Variants in LRIT3 observed in about 807,000 individuals in gnomAD.
LRIT3 encodes the protein leucine rich repeat, Ig-like and transmembrane domains 3.
In LRIT3, 14 loss-of-function variants were observed where a neutral mutation model predicts 22.6. That is an observed-to-expected ratio of 0.62 (90% confidence interval 0.41 to 0.97). The LOEUF (loss-of-function observed/expected upper bound fraction) is 0.97. LRIT3 is among the 50% of genes least tolerant of loss of function. LRIT3 has a pLI of 0.00. For missense variants in LRIT3, 783 were observed against 803.0 expected (o/e 0.98, Z 0.30); for synonymous variants, 306 against 304.5 (o/e 1.01, Z -0.05).
chr4:109,868,055 A>C, intron 3 of LRIT3, 109 bp downstream of exon 3: 5 of 1,162,190 alleles, frequency 4.3e-6, no homozygotes, highest in Non-Finnish European at 6.0e-6. Context: ...AAAATATTTC[A>C]AGATTATTGG....
chr4:109,848,323 C>T lies in LRIT3; in HGVS notation c.116+6C>T. 2.0e-5 allele frequency: 24 copies of T among 1,213,336 alleles called. No homozygotes were observed. The highest frequency in any genetic ancestry group is 2.5e-5 in the Non-Finnish European group (24 of 970,888). 75.2% of individuals were successfully genotyped at this position (1,213,336 alleles called of 1,614,324 possible). A position where few individuals can be genotyped will look rare whatever the true frequency, so the allele number is the denominator to read the frequency against. On this transcript the variant is annotated splice_donor_region_variant and intron_variant, in intron 1 of 3. Transcript: ENST00000594814. The stretch of plus-strand genomic sequence containing the variant: ...AATGACGGCTCAGGATCAAGGTATG[C>T]TCCTCTGCTTGTTACTAAGTGTTCT...
chr4:109,862,814 C>G (rs902174909), intron 2 of LRIT3, among the ~76,000 whole-genome samples: 14 of 152,132 alleles, frequency 9.2e-5, no homozygotes, highest in African/African-American at 2.7e-4. Flanking sequence ...CTCCTGGTAG[C>G]TGGGACAACA....
At chr4:109,867,266 A>T (rs1734704328) in intron 2 of LRIT3, among the ~76,000 whole-genome samples, 1 of 152,118 alleles carries the variant, frequency 6.6e-6, no homozygotes, top group Non-Finnish European at 1.5e-5. Flanking sequence ...GGTCCCTCTG[A>T]GGCCTCATCT....
chr4:109,856,724 C>T (rs970976346), intron 2 of LRIT3, among the ~76,000 whole-genome samples: 3 of 152,172 alleles, frequency 2.0e-5, no homozygotes, highest in Non-Finnish European at 4.4e-5. Context: ...TTAATTCTAT[C>T]TCCCATCCAT....
chr4:109,865,976 T>TA (rs1734668895), intron 2 of LRIT3, among the ~76,000 whole-genome samples: 1 of 152,160 alleles, frequency 6.6e-6, no homozygotes, highest in South Asian at 2.1e-4. Context: ...ATTGATTCAA[T>TA]AACTAGGTAT....
intron 2 of LRIT3, among the ~76,000 whole-genome samples, chr4:109,857,731 C>A (rs560825333): frequency 1.2e-3 from 180 of 152,096 alleles, no homozygotes; most frequent in African/African-American, 4.1e-3. Flanking sequence ...AGTAATATGA[C>A]CTTTAGGAGC....
chr4:109,869,987 C>T lies in LRIT3; in HGVS notation c.1238C>T (p.Ser413Phe), dbSNP rs770968977. ...SPPSTASFSLSPFSSSTVSST... is the reference protein window; with the variant it reads ...SPPSTASFSLFPFSSSTVSST... ...CCCTCTACTGCTTCCTTCTCTTTAT[C>T]TCCTTTCTCCTCCTCCACTGTTTCT... The change falls in exon 4 of 4, where the codon TCT becomes TTT. Residue 413 changes from serine (S) to phenylalanine (F), a missense_variant. Around this residue, in one of 2 missense-constraint regions of LRIT3, gnomAD observed 756 missense variants for 753.8 expected, o/e 1.00. Coordinates refer to ENST00000594814, the MANE Select transcript of LRIT3 (RefSeq NM_198506.5). The T allele has an allele frequency of 3.2e-5, 51 of 1,613,972 alleles. No individual in the cohort carries two copies. Among genetic ancestry groups the T allele is most frequent in the Non-Finnish European group, 2.3e-5 (27 of 1,180,002 alleles).
intron 2 of LRIT3, among the ~76,000 whole-genome samples, chr4:109,861,518 G>T (rs1734546084): frequency 6.6e-6 from 1 of 151,336 alleles, no homozygotes; most frequent in Admixed American, 6.6e-5. Context: ...ATTCTGGGGG[G>T]TGGGTGGGTC....
intron 2 of LRIT3, among the ~76,000 whole-genome samples, chr4:109,864,584 A>C (rs936593465): frequency 5.9e-5 from 9 of 152,248 alleles, no homozygotes; most frequent in Non-Finnish European, 8.8e-5. Flanking sequence ...GACCTGATTA[A>C]TTTGTTAAAC....
At chr4:109,850,921 G>A (rs1275749355) in intron 1 of LRIT3, among the ~76,000 whole-genome samples, 1 of 151,958 alleles carries the variant, frequency 6.6e-6, no homozygotes, top group Non-Finnish European at 1.5e-5. Flanking sequence ...TATTAAAACA[G>A]AGTTCAACTT....
At chr4:109,852,106 C>T (rs1734288769) in intron 2 of LRIT3, 130 bp downstream of exon 2, 1 of 814,612 alleles carries the variant, frequency 1.2e-6, no homozygotes, top group Non-Finnish European at 1.9e-6. Context: ...GGAATAGTAC[C>T]TTATTAGTTA....
At chr4:109,862,132 C>T (rs1043963308) in intron 2 of LRIT3, among the ~76,000 whole-genome samples, 1 of 152,174 alleles carries the variant, frequency 6.6e-6, no homozygotes, top group Non-Finnish European at 1.5e-5. Context: ...CCTTCAAGGG[C>T]TTATAGTCCT....
At chr4:109,853,900 G>C (rs1460076032) in intron 2 of LRIT3, among the ~76,000 whole-genome samples, 1 of 152,150 alleles carries the variant, frequency 6.6e-6, no homozygotes, top group African/African-American at 2.4e-5. Context: ...GGTTGTAAAT[G>C]TGTGGTGTTA....
chr4:109,862,936 T>G (rs1315689035), intron 2 of LRIT3, among the ~76,000 whole-genome samples: 1 of 152,158 alleles, frequency 6.6e-6, no homozygotes, highest in East Asian at 1.9e-4. Context: ...TCAAGCAATC[T>G]TCCCACCTCA....
intron 3 of LRIT3, 69 bp downstream of exon 3, chr4:109,868,015 G>A (rs560360366): frequency 5.6e-4 from 827 of 1,474,632 alleles, no homozygotes; most frequent in Admixed American, 9.4e-4. Context: ...CATGTGTTGT[G>A]TGATTTGAAA....
chr4:109,870,715 C>A lies in LRIT3; in HGVS notation c.1966C>A (p.Leu656Ile), dbSNP rs1195746556. The change falls in exon 4 of 4, where the codon CTT (leucine) becomes ATT (isoleucine). Residue 656 changes from leucine (L) to isoleucine (I), a missense_variant. This residue lies in a region of LRIT3 where 756 missense variants were observed against 753.8 expected (regional missense o/e 1.00). Coordinates refer to ENST00000594814, the MANE Select transcript of LRIT3 (RefSeq NM_198506.5). The part of the protein sequence containing the change: ...SHRDDSEKLL[L>I]CSRSSVESQV... ...CAGGGATGACTCAGAGAAATTGCTGCTTTGTTCTAGGTCAAGTGTGGAATC... is the reference window on the plus strand; with the variant it reads ...CAGGGATGACTCAGAGAAATTGCTGATTTGTTCTAGGTCAAGTGTGGAATC... The A allele has an allele frequency of 1.2e-6, 2 of 1,614,106 alleles. No individual in the cohort carries two copies. Among genetic ancestry groups the A allele is most frequent in the Admixed American group, 3.3e-5 (2 of 60,020 alleles).
chr4:109,849,746 G>A (rs186144058), intron 1 of LRIT3, among the ~76,000 whole-genome samples: 164 of 152,318 alleles, frequency 1.1e-3, no homozygotes, highest in African/African-American at 3.8e-3. Context: ...CCAAGGAGCT[G>A]GGATTACAGG....
intron 2 of LRIT3, among the ~76,000 whole-genome samples, chr4:109,860,526 C>A (rs145846789): frequency 6.6e-6 from 1 of 152,148 alleles, no homozygotes; most frequent in Non-Finnish European, 1.5e-5. Context: ...AAAGACATCA[C>A]TCTTTACTTT....
chr4:109,867,566 A>T, intron 2 of LRIT3, 75 bp from the exon 3 acceptor site: 1 of 1,234,714 alleles, frequency 8.1e-7, no homozygotes, highest in Non-Finnish European at 1.1e-6. Context: ...GTAGATCCCT[A>T]CTTTCTCAAG....
Sources: gnomAD v4.1 joint callset for allele counts (sites outside exome capture counted in the v4.1 genomes callset) on GRCh38, gnomAD v4.1.1 for gene constraint, gnomAD v4.1.1 regional missense constraint, MANE v1.5 for transcripts, NCBI Gene and HGNC (gene_info 2026-07-23, HGNC 2026-07-21) for gene names.